JAZF1: variants seen among roughly 807,000 people sequenced by gnomAD.
The protein encoded by JAZF1 is JAZF zinc finger 1, also known as juxtaposed with another zinc finger protein 1.
Under a neutral mutation model 26.4 loss-of-function variants are expected in JAZF1, and 8 were observed. The observed-to-expected ratio is 0.30, with a 90% CI of 0.18 to 0.55. The LOEUF (loss-of-function observed/expected upper bound fraction) is 0.55. Among genes scored for constraint, JAZF1 ranks in the 20% least tolerant of loss-of-function variants. The pLI, the probability that JAZF1 is intolerant of heterozygous loss-of-function variation, is 0.94. For missense variants in JAZF1, 199 were observed against 322.0 expected (o/e 0.62, Z 2.92); for synonymous variants, 126 against 122.3 (o/e 1.03, Z -0.20).
rs1443475324 is a variant in JAZF1, at chr7:28,072,155, C to T, written c.116-80174G>A. Among the ~76,000 whole-genome samples, 3 of 152,192 alleles carry T rather than the reference C, an allele frequency of 2.0e-5. No individual in the cohort carries two copies. The South Asian group carries it at 6.2e-4, about 31-fold the overall frequency. Reference sequence around the variant, plus strand: ...TTAAAAATATGGTGGCTGGGCTTCACACACAGTTTGCACCTTAACCTTGCA... The same window carrying T: ...TTAAAAATATGGTGGCTGGGCTTCATACACAGTTTGCACCTTAACCTTGCA... On this transcript the variant is annotated intron_variant, in intron 1 of 4. Coordinates refer to ENST00000283928, the MANE Select transcript of JAZF1 (RefSeq NM_175061.4).
At chr7:28,108,614 G>T (rs1434787768) in intron 1 of JAZF1, among the ~76,000 whole-genome samples, 3 of 152,228 alleles carry the variant, frequency 2.0e-5, no homozygotes, top group Non-Finnish European at 2.9e-5. Context: ...ATGTAAACTG[G>T]TATAGCCACT....
intron 1 of JAZF1, among the ~76,000 whole-genome samples, chr7:28,176,145 G>A (rs1279478190): frequency 4.6e-5 from 7 of 152,288 alleles, no homozygotes; most frequent in African/African-American, 1.2e-4. Flanking sequence ...GTTGATATTC[G>A]GGGTCAGGAA....
intron 2 of JAZF1, among the ~76,000 whole-genome samples, chr7:27,927,786 A>T (rs1322403388): frequency 2.0e-5 from 3 of 152,202 alleles, no homozygotes; most frequent in Non-Finnish European, 4.4e-5. Flanking sequence ...CTGTTTGGGT[A>T]AGGAGTTCTC....
intron 1 of JAZF1, among the ~76,000 whole-genome samples, chr7:28,125,909 C>T (rs1027762514): frequency 2.0e-5 from 3 of 152,130 alleles, no homozygotes; most frequent in Non-Finnish European, 2.9e-5. Context: ...GATGCAAGGG[C>T]CTTGCCAACC....
At chr7:28,115,882 G>A (rs1784733468) in intron 1 of JAZF1, among the ~76,000 whole-genome samples, 1 of 151,210 alleles carries the variant, frequency 6.6e-6, no homozygotes, top group Non-Finnish European at 1.5e-5. Flanking sequence ...TACATCAAAG[G>A]GAGCATACTA....
intron 1 of JAZF1, among the ~76,000 whole-genome samples, chr7:28,101,967 T>C (rs1305853834): frequency 6.6e-6 from 1 of 152,160 alleles, no homozygotes; most frequent in Non-Finnish European, 1.5e-5. Flanking sequence ...ATGCTAATTT[T>C]CTACACGTTG....
intron 1 of JAZF1, among the ~76,000 whole-genome samples, chr7:28,097,289 C>T (rs945157462): frequency 5.9e-5 from 9 of 152,158 alleles, no homozygotes; most frequent in African/African-American, 1.7e-4. Flanking sequence ...TTTCTAAGTA[C>T]AGACTTTTTT....
rs1431528818 is a variant in JAZF1 at position 28,046,097 on chromosome 7, A to G, written c.116-54116T>C. ...TCTAATGTTTTCAATGTATGAGCAA[A>G]TATGTAAATGCTTTTGTTATATTTG... On this transcript the variant is annotated intron_variant, in intron 1 of 4. Transcript: ENST00000283928. Among the ~76,000 whole-genome samples, 4 of 152,312 alleles carry G rather than the reference A, an allele frequency of 2.6e-5. No homozygotes were observed. In the South Asian group the frequency reaches 6.2e-4, roughly 24 times the overall value.
At chr7:28,116,299 C>G (rs1206342694) in intron 1 of JAZF1, among the ~76,000 whole-genome samples, 1 of 152,180 alleles carries the variant, frequency 6.6e-6, no homozygotes. Context: ...CACAACTGGT[C>G]AACAATTTCT....
At chr7:28,110,798 A>C (rs1007016208) in intron 1 of JAZF1, among the ~76,000 whole-genome samples, 1 of 152,196 alleles carries the variant, frequency 6.6e-6, no homozygotes, top group Non-Finnish European at 1.5e-5. Flanking sequence ...TGATGTGCCC[A>C]CATGGCTGGC....
chr7:27,881,380 C>A (rs180698391), intron 3 of JAZF1, among the ~76,000 whole-genome samples: 1 of 152,272 alleles, frequency 6.6e-6, no homozygotes, highest in African/African-American at 2.4e-5. Context: ...TTCCTTTACA[C>A]GCAACATAGC....
In JAZF1 at chr7:28,180,603, T is replaced by C; in HGVS notation, c.-26A>G. 6.7e-7 allele frequency: 1 copy of C among 1,500,412 alleles called. No individual in the cohort carries two copies. Among genetic ancestry groups the C allele is most frequent in the Non-Finnish European group, 9.0e-7 (1 of 1,110,276 alleles). The allele number at this position is 1,500,412 out of a possible 1,614,324, so 92.9% of individuals were successfully genotyped here. On this transcript the variant is annotated 5_prime_UTR_variant, in exon 1 of 5. Transcript: ENST00000283928. The stretch of plus-strand genomic sequence containing the variant: ...GGTGCTACATCGAGAGCCCCCCTGG[T>C]GTCGGCTCTGCGAGCGCCGGGCGGG...
chr7:27,931,631 T>C (rs1784689798), intron 2 of JAZF1, among the ~76,000 whole-genome samples: 1 of 152,008 alleles, frequency 6.6e-6, no homozygotes, highest in African/African-American at 2.4e-5. Flanking sequence ...GCCTGGCCAA[T>C]ATGGTGAAAC....
intron 2 of JAZF1, among the ~76,000 whole-genome samples, chr7:27,900,209 C>G (rs1784143139): frequency 6.6e-6 from 1 of 152,194 alleles, no homozygotes; most frequent in South Asian, 2.1e-4. Context: ...CTGGCTCATA[C>G]TGGGTTGTGA....
intron 1 of JAZF1, among the ~76,000 whole-genome samples, chr7:28,149,334 G>A (rs1308834415): frequency 6.6e-6 from 1 of 152,000 alleles, no homozygotes; most frequent in Non-Finnish European, 1.5e-5. Flanking sequence ...GAAGTATGTC[G>A]CCAGTGTCAA....
intron 2 of JAZF1, among the ~76,000 whole-genome samples, chr7:27,987,125 G>C (rs1237016296): frequency 6.6e-6 from 1 of 151,932 alleles, no homozygotes; most frequent in East Asian, 2.0e-4. Flanking sequence ...CATCGTCTGG[G>C]ATGTGAGGAG....
At chr7:28,173,044 C>A (rs1012913329) in intron 1 of JAZF1, among the ~76,000 whole-genome samples, 2 of 152,186 alleles carry the variant, frequency 1.3e-5, no homozygotes, top group Non-Finnish European at 2.9e-5. Flanking sequence ...CAGTTATGAT[C>A]CCATGAAGGC....
At chr7:28,024,791 T>G (rs1484436421) in intron 1 of JAZF1, among the ~76,000 whole-genome samples, 1 of 152,148 alleles carries the variant, frequency 6.6e-6, no homozygotes, top group Non-Finnish European at 1.5e-5. Flanking sequence ...TGAGAGATCA[T>G]GAAACGCAGA....
chr7:27,927,004 T>C (rs1454225961), intron 2 of JAZF1, among the ~76,000 whole-genome samples: 1 of 152,230 alleles, frequency 6.6e-6, no homozygotes, highest in Non-Finnish European at 1.5e-5. Flanking sequence ...TCTTCATTTG[T>C]ATGGACAGAC....
Sources: allele counts gnomAD v4.1 joint callset (sites outside exome capture counted in the v4.1 genomes callset), GRCh38; gene constraint gnomAD v4.1.1; transcripts MANE v1.5; gene names NCBI Gene and HGNC (gene_info 2026-07-23, HGNC 2026-07-21).